Variants in TWIST1 observed in about 807,000 individuals in gnomAD.
The protein encoded by TWIST1 is twist-related protein 1.
TWIST1 carries 8 observed loss-of-function variants against 12.9 expected under a neutral mutation model. The ratio of observed to expected loss-of-function variants is 0.62; its 90% CI spans 0.37 to 1.12. The LOEUF (loss-of-function observed/expected upper bound fraction) is 1.12. Ranked by LOEUF, TWIST1 falls within the 50% of genes most tolerant of loss-of-function variation. The pLI is 0.02. For synonymous variants in TWIST1, 169 were observed against 138.7 expected, an observed-to-expected ratio of 1.22 and a Z score of -1.54; for missense variants, 268 against 299.7, an observed-to-expected ratio of 0.89 and a Z score of 0.78.
downstream of TWIST1, chr7:19,114,102 A>C (rs560902865): frequency 5.3e-5 from 8 of 151,852 alleles, no homozygotes; most frequent in South Asian, 2.1e-4. Context: ...ACACACACAC[A>C]CCCCCAACAA....
rs1035086367 is a variant in TWIST1 at position 19,117,363 on chromosome 7, G to A, written c.-42C>T. 8 of 1,396,202 alleles carry A rather than the reference G, an allele frequency of 5.7e-6. No individual in the cohort carries two copies. The highest frequency in any genetic ancestry group is 1.4e-5 in the South Asian group (1 of 70,376). The allele number at this position is 1,396,202 out of a possible 1,614,324, so 86.5% of individuals were successfully genotyped here. On this transcript the variant is annotated 5_prime_UTR_variant, in exon 1 of 2. Coordinates refer to ENST00000242261, the MANE Select transcript of TWIST1 (RefSeq NM_000474.4). Reference sequence around the variant, plus strand: ...CGTGGCCTCGCGGGCCCGGGGCAGAGGAGAAGAGCGGGGCGCCTCAGCCCG... The same window carrying A: ...CGTGGCCTCGCGGGCCCGGGGCAGAAGAGAAGAGCGGGGCGCCTCAGCCCG...
At chr7:19,114,519 T>C (rs1788528291), downstream of TWIST1, among the ~76,000 whole-genome samples, 1 of 152,186 alleles carries the variant, frequency 6.6e-6, no homozygotes, top group African/African-American at 2.4e-5. Flanking sequence ...TTTCTAATAA[T>C]GTTAATTATA....
chr7:19,117,528 GGA>G lies in TWIST1; in HGVS notation c.-209_-208del. ...AGGCGGGAGGGGGAGGGGACGGTGT[GGA>G]TGGCCCCGAGGTCCAAAAAGAAAGC... On this transcript the variant is annotated 5_prime_UTR_variant, in exon 1 of 2. Transcript: ENST00000242261. The G allele has an allele frequency of 5.9e-6, 7 of 1,178,166 alleles. No individual in the cohort carries two copies. The highest frequency in any genetic ancestry group is 7.4e-6 in the Non-Finnish European group (7 of 944,104). 73.0% of individuals were successfully genotyped at this position (1,178,166 alleles called of 1,614,324 possible).
At chr7:19,114,598 A>G (rs1194110915), downstream of TWIST1, among the ~76,000 whole-genome samples, 1 of 152,200 alleles carries the variant, frequency 6.6e-6, no homozygotes, top group Admixed American at 6.5e-5. Flanking sequence ...CCGTTTGCCC[A>G]TTATTGTTTT....
chr7:19,117,395 TC>T lies in TWIST1; in HGVS notation c.-75del. ...AGCGGGGCGCCTCAGCCCGCCAGCT[TC>T]CCCCGCGCGCGGCGCCGGCCCGGGC... On this transcript the variant is annotated 5_prime_UTR_variant, in exon 1 of 2. Transcript: ENST00000242261. 7.7e-7 allele frequency: 1 copy of T among 1,297,314 alleles called. No individual in the cohort carries two copies. Among genetic ancestry groups the T allele is most frequent in the Non-Finnish European group, 9.8e-7 (1 of 1,018,212 alleles). The allele number at this position is 1,297,314 out of a possible 1,614,324, so 80.4% of individuals were successfully genotyped here. A position where few individuals can be genotyped will look rare whatever the true frequency, so the allele number is the denominator to read the frequency against.
In TWIST1 at chr7:19,115,801, T is replaced by C. The variant is rs1585615348; in HGVS notation, c.*373A>G. The stretch of plus-strand genomic sequence containing the variant: ...TGATGCCTTTCCTTTCAGTGGCTGA[T>C]TGGCACGACCTCTTGAGAATGCATG... On this transcript the variant is annotated 3_prime_UTR_variant, in exon 2 of 2. Coordinates refer to ENST00000242261, the MANE Select transcript of TWIST1 (RefSeq NM_000474.4). 6.6e-6 allele frequency: 1 copy of C among 150,548 alleles called. No individual in the cohort carries two copies. 9.3% of individuals were successfully genotyped at this position (150,548 alleles called of 1,614,324 possible).
rs1009745866 is a variant in TWIST1, at chr7:19,117,597, C to T, written c.-276G>A. ...CACACCCCGCCAGGCCTCCTGGAAA[C>T]GGTGCCGGTGCTGCAGAGCCCGCGA... On this transcript the variant is annotated 5_prime_UTR_variant, in exon 1 of 2. Coordinates refer to ENST00000242261, the MANE Select transcript of TWIST1 (RefSeq NM_000474.4). The T allele has an allele frequency of 3.7e-6, 4 of 1,088,646 alleles. No homozygotes were observed. Among genetic ancestry groups the T allele is most frequent in the South Asian group, 3.8e-5 (1 of 26,536 alleles). The allele number at this position is 1,088,646 out of a possible 1,614,324, so 67.4% of individuals were successfully genotyped here.
In TWIST1 at chr7:19,117,616, C is replaced by T. The variant is rs76566707; in HGVS notation, c.-295G>A. 351 of 1,068,486 alleles carry T rather than the reference C, an allele frequency of 3.3e-4. 1 individual carries two copies. The African/African-American group carries it at 5.6e-3, about 17-fold the overall frequency. 66.2% of individuals were successfully genotyped at this position (1,068,486 alleles called of 1,614,324 possible). A position where few individuals can be genotyped will look rare whatever the true frequency, so the allele number is the denominator to read the frequency against. The stretch of plus-strand genomic sequence containing the variant: ...TGGAAACGGTGCCGGTGCTGCAGAG[C>T]CCGCGAGGTGTCTGGGAGTTGGGCG... On this transcript the variant is annotated 5_prime_UTR_variant, in exon 1 of 2. Transcript: ENST00000242261.
downstream of TWIST1, among the ~76,000 whole-genome samples, chr7:19,114,513 T>G (rs1476422816): frequency 6.6e-6 from 1 of 152,196 alleles, no homozygotes; most frequent in East Asian, 1.9e-4. Flanking sequence ...TCACTATTTC[T>G]AATAATGTTA....
At chr7:19,116,493 G>A (rs1788568263) in intron 1 of TWIST1, among the ~76,000 whole-genome samples, 178 bp downstream of exon 1, 1 of 152,190 alleles carries the variant, frequency 6.6e-6, no homozygotes, top group Non-Finnish European at 1.5e-5. Flanking sequence ...TCTCCCTAGC[G>A]GGGTCAGACC....
rs1279770537 is a variant in TWIST1, at chr7:19,117,030, CGCCGCCGCTGCTGCT to C, written c.277_291del (p.Ser93_Gly97del). 6.7e-7 allele frequency: 1 copy of C among 1,494,468 alleles called. No homozygotes were observed. Among genetic ancestry groups the C allele is most frequent in the Admixed American group, 2.4e-5 (1 of 42,214 alleles). The allele number at this position is 1,494,468 out of a possible 1,614,324, so 92.6% of individuals were successfully genotyped here. A position where few individuals can be genotyped will look rare whatever the true frequency, so the allele number is the denominator to read the frequency against. ...AGCTCCTCGTAAGACTGCGGACTCC[CGCCGCCGCTGCTGCT>C]GCCGCCGCCGCCGCCCGCGCCGCCG... On this transcript the variant is annotated inframe_deletion, in exon 1 of 2. Coordinates refer to ENST00000242261, the MANE Select transcript of TWIST1 (RefSeq NM_000474.4).
At position 19,117,125 on chromosome 7, in the gene TWIST1, G is replaced by C. The variant is rs1447848123; in HGVS notation, c.197C>G (p.Pro66Arg). ...GCGCTTGCCCTGGGCCGGGCTGCCC[G>C]GCTCGTCGCCGCCTCCGACGCCCCC... is the stretch of plus-strand genomic sequence containing the variant. ...AGGGVGGGDE[P>R]GSPAQGKRGK... Residue 66 changes from proline to arginine, a missense_variant, in exon 1 of 2, where the codon CCG (proline) becomes CGG (arginine). Physicochemically the swap from Pro to Arg is moderately radical, Grantham distance 103 (BLOSUM62 -2). Coordinates refer to ENST00000242261, the MANE Select transcript of TWIST1 (RefSeq NM_000474.4). 1.8e-6 allele frequency: 2 copies of C among 1,141,434 alleles called. No homozygotes were observed. The highest frequency in any genetic ancestry group is 8.9e-5 in the East Asian group (2 of 22,432). The allele number at this position is 1,141,434 out of a possible 1,614,324, so 70.7% of individuals were successfully genotyped here.
In TWIST1 at chr7:19,117,095, T is replaced by C; in HGVS notation, c.227A>G (p.Lys76Arg). 2 of 1,352,328 alleles carry C rather than the reference T, an allele frequency of 1.5e-6. No homozygotes were observed. Among genetic ancestry groups the C allele is most frequent in the Non-Finnish European group, 1.9e-6 (2 of 1,058,446 alleles). 83.8% of individuals were successfully genotyped at this position (1,352,328 alleles called of 1,614,324 possible). The change falls in exon 1 of 2, where the codon AAG (lysine) becomes AGG (arginine). Residue 76 changes from lysine (K) to arginine (R), a missense_variant. By Grantham distance (26) the Lys-to-Arg change is conservative. Coordinates refer to ENST00000242261, the MANE Select transcript of TWIST1 (RefSeq NM_000474.4). ...GCCGCCGCCACAGCCCGCAGACTTC[T>C]TGCCGCGCTTGCCCTGGGCCGGGCT... ...PGSPAQGKRG[K>R]KSAGCGGGGG...
chr7:19,114,020 A>T (rs915112098), downstream of TWIST1: 2 of 152,114 alleles, frequency 1.3e-5, no homozygotes, highest in African/African-American at 4.8e-5. Flanking sequence ...TACAAAAAAG[A>T]ATTACCAACC....
Position 19,117,199 on chromosome 7 carries a change from G to T in TWIST1, c.123C>A (p.Ser41Arg). The change falls in exon 1 of 2, where the codon AGC becomes AGA. Residue 41 changes from serine to arginine, a missense_variant. This residue lies in a region of TWIST1 where 189 missense variants were observed against 172.1 expected (regional missense o/e 1.10). Coordinates refer to ENST00000242261, the MANE Select transcript of TWIST1 (RefSeq NM_000474.4). ...SGKRGGRKRR[S>R]SRRSAGGGAG... ...CGCCGCCGCCCGCGCTGCGCCTGCT[G>T]CTGCGCCGCTTGCGTCCCCCGCGCT... is the stretch of plus-strand genomic sequence containing the variant. 1 of 1,343,310 alleles carries T rather than the reference G, an allele frequency of 7.4e-7. No individual in the cohort carries two copies. The highest frequency in any genetic ancestry group is 9.6e-7 in the Non-Finnish European group (1 of 1,038,414). The allele number at this position is 1,343,310 out of a possible 1,614,324, so 83.2% of individuals were successfully genotyped here. A position where few individuals can be genotyped will look rare whatever the true frequency, so the allele number is the denominator to read the frequency against.
downstream of TWIST1, among the ~76,000 whole-genome samples, chr7:19,114,969 TCTG>T (rs1301375412): frequency 6.6e-6 from 1 of 152,254 alleles, no homozygotes; most frequent in African/African-American, 2.4e-5. Flanking sequence ...TTTTCTCTTT[TCTG>T]CTGATTTACA....
At position 19,117,042 on chromosome 7, in the gene TWIST1, T is replaced by TGCTGCC. The variant is rs977336062; in HGVS notation, c.274_279dup (p.Gly92_Ser93dup). The TGCTGCC allele has an allele frequency of 1.2e-5, 17 of 1,453,888 alleles. No individual in the cohort carries two copies. The Admixed American group carries it at 2.9e-4, about 24-fold the overall frequency. The allele number at this position is 1,453,888 out of a possible 1,614,324, so 90.1% of individuals were successfully genotyped here. A position where few individuals can be genotyped will look rare whatever the true frequency, so the allele number is the denominator to read the frequency against. The stretch of plus-strand genomic sequence containing the variant: ...GACTGCGGACTCCCGCCGCCGCTGC[T>TGCTGCC]GCTGCCGCCGCCGCCGCCCGCGCCG... On this transcript the variant is annotated inframe_insertion, in exon 1 of 2. Coordinates refer to ENST00000242261, the MANE Select transcript of TWIST1 (RefSeq NM_000474.4).
chr7:19,117,380 C>G lies in TWIST1; in HGVS notation c.-59G>C, dbSNP rs920555747. On this transcript the variant is annotated 5_prime_UTR_variant, in exon 1 of 2. Coordinates refer to ENST00000242261, the MANE Select transcript of TWIST1 (RefSeq NM_000474.4). The stretch of plus-strand genomic sequence containing the variant: ...GGGGCAGAGGAGAAGAGCGGGGCGC[C>G]TCAGCCCGCCAGCTTCCCCCGCGCG... The G allele has an allele frequency of 9.6e-6, 13 of 1,351,452 alleles. No homozygotes were observed. Among genetic ancestry groups the G allele is most frequent in the Admixed American group, 6.1e-5 (2 of 32,670 alleles). 83.7% of individuals were successfully genotyped at this position (1,351,452 alleles called of 1,614,324 possible).
chr7:19,117,169 C>CCCCGCGCCGCCG lies in TWIST1; in HGVS notation c.141_152dup (p.Gly48_Gly51dup), dbSNP rs1318992028. The CCCCGCGCCGCCG allele has an allele frequency of 9.1e-7, 1 of 1,093,752 alleles. No homozygotes were observed. The highest frequency in any genetic ancestry group is 1.7e-5 in the African/African-American group (1 of 59,058). 67.8% of individuals were successfully genotyped at this position (1,093,752 alleles called of 1,614,324 possible). The stretch of plus-strand genomic sequence containing the variant: ...CGCCCCCACCCGCGGCTCCGCCGGG[C>CCCCGCGCCGCCG]CCCGCGCCGCCGCCCGCGCTGCGCC... On this transcript the variant is annotated inframe_insertion, in exon 1 of 2. Transcript: ENST00000242261.
Sources: allele counts gnomAD v4.1 joint callset (sites outside exome capture counted in the v4.1 genomes callset), GRCh38; gene constraint gnomAD v4.1.1; regional missense constraint gnomAD v4.1.1; transcripts MANE v1.5; gene names NCBI Gene and HGNC (gene_info 2026-07-23, HGNC 2026-07-21).